The following ZXDC variants were observed in gnomAD, a reference collection of about 807,000 sequenced individuals.
The protein encoded by ZXDC is zinc finger protein ZXDC.
In ZXDC, 58 loss-of-function variants were observed where a neutral mutation model predicts 63.6. The ratio of observed to expected loss-of-function variants is 0.91; its 90% confidence interval spans 0.74 to 1.13. The LOEUF is 1.13. Among genes scored for constraint, ZXDC ranks in the 50% most tolerant of loss-of-function variants. ZXDC has a pLI of 0.00. For missense variants in ZXDC, 1,133 were observed against 1,148.9 expected, an observed-to-expected ratio of 0.99 and a Z score of 0.20; for synonymous variants, 561 against 496.1, an observed-to-expected ratio of 1.13 and a Z score of -1.74.
Position 126,461,728 on chromosome 3 carries a change from G to C in ZXDC, c.1934C>G (p.Thr645Ser), listed in dbSNP as rs539742816. Residue 645 changes from threonine to serine, a missense_variant, in exon 6 of 10, where the codon ACC (threonine) becomes AGC (serine). Thr to Ser is a moderately conservative substitution (Grantham distance 58). Transcript: ENST00000389709. ...CGGGACACTGGCATTTTCTCGGGGGGTGCTCGAAGAGGTCGGTGTGGTGAT... is the reference window on the plus strand; with the variant it reads ...CGGGACACTGGCATTTTCTCGGGGGCTGCTCGAAGAGGTCGGTGTGGTGAT... ...AHITTPTSSS[T>S]PRENASVPEL... 6.2e-7 allele frequency: 1 copy of C among 1,613,902 alleles called. No homozygotes were observed. Among genetic ancestry groups the C allele is most frequent in the Non-Finnish European group, 8.5e-7 (1 of 1,179,952 alleles).
intron 5 of ZXDC, among the ~76,000 whole-genome samples, chr3:126,463,609 A>G (rs899438298): frequency 6.6e-6 from 1 of 152,184 alleles, no homozygotes; most frequent in Admixed American, 6.5e-5. Flanking sequence ...GTAAAATGGG[A>G]GCATAATTAA....
intron 7 of ZXDC, among the ~76,000 whole-genome samples, chr3:126,443,885 T>C (rs1933776226): frequency 6.6e-6 from 1 of 152,238 alleles, no homozygotes; most frequent in Admixed American, 6.5e-5. Flanking sequence ...ATAATTATGA[T>C]ATTAAAAGCA....
chr3:126,475,475 T>C lies in ZXDC; in HGVS notation c.391A>G (p.Ile131Val), dbSNP rs1158112254. 4.9e-6 allele frequency: 6 copies of C among 1,212,696 alleles called. No homozygotes were observed. The highest frequency in any genetic ancestry group is 3.6e-5 in the South Asian group (1 of 27,814). 75.1% of individuals were successfully genotyped at this position (1,212,696 alleles called of 1,614,324 possible). A position where few individuals can be genotyped will look rare whatever the true frequency, so the allele number is the denominator to read the frequency against. Residue 131 changes from isoleucine to valine, a missense_variant, in exon 1 of 10, where the codon ATC becomes GTC. Physicochemically the swap from Ile to Val is conservative, Grantham distance 29. Transcript: ENST00000389709. The stretch of plus-strand genomic sequence containing the variant: ...CGCACCAGCAGGTCCTGGCTGCTGA[T>C]GGTGACGGCGCCCGCCGGGGCTACG... ...PGVAPAGAVT[I>V]SSQDLLVRLD... is the part of the protein sequence containing the mutation.
At chr3:126,458,186 T>G (rs1934384104) in intron 7 of ZXDC, among the ~76,000 whole-genome samples, 1 of 152,150 alleles carries the variant, frequency 6.6e-6, no homozygotes, top group African/African-American at 2.4e-5. Flanking sequence ...TACTGTTAAT[T>G]TTTAAAGAAG....
chr3:126,473,887 A>G (rs1935075117), intron 1 of ZXDC, among the ~76,000 whole-genome samples: 2 of 152,072 alleles, frequency 1.3e-5, no homozygotes, highest in African/African-American at 4.8e-5. Flanking sequence ...TCTGCCACCC[A>G]GCCGACTCCA....
intron 7 of ZXDC, among the ~76,000 whole-genome samples, chr3:126,450,068 A>C (rs1433656512): frequency 1.3e-5 from 2 of 152,158 alleles, no homozygotes; most frequent in East Asian, 3.9e-4. Context: ...GACAGTCATC[A>C]AAACCAAAGC....
intron 7 of ZXDC, among the ~76,000 whole-genome samples, chr3:126,447,169 G>A (rs1933914407): frequency 6.6e-6 from 1 of 152,204 alleles, no homozygotes. Flanking sequence ...TGAACTTAAA[G>A]TAGACAGGTG....
At chr3:126,452,097 C>T (rs539994579) in intron 7 of ZXDC, 159 of 985,406 alleles carry the variant, frequency 1.6e-4, no homozygotes, top group South Asian at 2.8e-4. Flanking sequence ...CTTTTCCACA[C>T]GCAAAGATGA....
Position 126,466,327 on chromosome 3 carries a change from T to A in ZXDC, c.1271-2A>T, listed in dbSNP as rs1203503325. On this transcript the variant is annotated splice_acceptor_variant, in intron 4 of 9. Transcript: ENST00000389709. LOFTEE classifies it high-confidence loss of function. ...GAGCGGAGAACCTCGCGCAACATCC[T>A]GGAACAAAAAGAGTAATGAGAGTGA... The A allele has an allele frequency of 6.2e-7, 1 of 1,613,880 alleles. No homozygotes were observed. Among genetic ancestry groups the A allele is most frequent in the Non-Finnish European group, 8.5e-7 (1 of 1,179,992 alleles).
In ZXDC at chr3:126,452,012, T is replaced by C. The variant is rs1934123596; in HGVS notation, c.2212+7641A>G. The C allele has an allele frequency of 9.1e-6, 9 of 985,304 alleles. No homozygotes were observed. In the South Asian group the frequency reaches 4.2e-4, roughly 46 times the overall value. 61.0% of individuals were successfully genotyped at this position (985,304 alleles called of 1,614,324 possible). A position where few individuals can be genotyped will look rare whatever the true frequency, so the allele number is the denominator to read the frequency against. On this transcript the variant is annotated intron_variant, in intron 7 of 9. Transcript: ENST00000389709. ...CCTTTAACCTCTCATCTTCATTCTTTATTCTGTATGGAATTCTAATATTTT... is the reference window on the plus strand; with the variant it reads ...CCTTTAACCTCTCATCTTCATTCTTCATTCTGTATGGAATTCTAATATTTT...
In ZXDC at chr3:126,475,696, TC is replaced by T; in HGVS notation, c.169del (p.Glu57ArgfsTer67). The T allele has an allele frequency of 2.3e-6, 3 of 1,302,168 alleles. No homozygotes were observed. The highest frequency in any genetic ancestry group is 1.9e-5 in the South Asian group (1 of 51,838). 80.7% of individuals were successfully genotyped at this position (1,302,168 alleles called of 1,614,324 possible). A position where few individuals can be genotyped will look rare whatever the true frequency, so the allele number is the denominator to read the frequency against. On this transcript the variant is annotated frameshift_variant, in exon 1 of 10. Coordinates refer to ENST00000389709, the MANE Select transcript of ZXDC (RefSeq NM_025112.5). LOFTEE classifies it high-confidence loss of function. ...GGGCGGCGGGCTTGGCCCGGAGGCC[TC>T]CCCGGGCCGCGCCCCGGGCCCGCCA... is the stretch of plus-strand genomic sequence containing the variant. ...EDGGPGARPG[E>X]ASGPSPPPAE...
At chr3:126,456,867 C>T (rs1352323989) in intron 7 of ZXDC, among the ~76,000 whole-genome samples, 1 of 152,196 alleles carries the variant, frequency 6.6e-6, no homozygotes, top group Non-Finnish European at 1.5e-5. Flanking sequence ...TAGCAGCTAC[C>T]ACCCTAACCA....
intron 7 of ZXDC, chr3:126,452,261 G>C (rs145214048): frequency 1.0e-6 from 1 of 985,276 alleles, no homozygotes; most frequent in African/African-American, 1.7e-5. Context: ...TTTCTTAGAC[G>C]TTCTTGTCCA....
At chr3:126,446,325 C>T (rs547305333) in intron 7 of ZXDC, among the ~76,000 whole-genome samples, 39 of 152,282 alleles carry the variant, frequency 2.6e-4, no homozygotes, top group Non-Finnish European at 4.3e-4. Context: ...TCAAGGGCCC[C>T]GGCTTGGGAG....
In ZXDC at chr3:126,475,010, G is replaced by A; in HGVS notation, c.856C>T (p.His286Tyr). 6.3e-7 allele frequency: 1 copy of A among 1,596,812 alleles called. No individual in the cohort carries two copies. The highest frequency in any genetic ancestry group is 8.5e-7 in the Non-Finnish European group (1 of 1,172,404). ...TCGGGCTCGAAGTGGCTGCGCTGGTGGGAGCTGAGCTTGGCGTGCGTGGGG... is the reference window on the plus strand; with the variant it reads ...TCGGGCTCGAAGTGGCTGCGCTGGTAGGAGCTGAGCTTGGCGTGCGTGGGG... ...RFPTHAKLSS[H>Y]QRSHFEPERP... Residue 286 changes from histidine (H) to tyrosine (Y), a missense_variant, in exon 1 of 10, where the codon CAC (histidine) becomes TAC (tyrosine). Physicochemically the swap from His to Tyr is moderately conservative, Grantham distance 83. Coordinates refer to ENST00000389709, the MANE Select transcript of ZXDC (RefSeq NM_025112.5).
At chr3:126,452,423 C>T (rs955400477) in intron 7 of ZXDC, 4 of 985,356 alleles carry the variant, frequency 4.1e-6, no homozygotes, top group Non-Finnish European at 4.8e-6. Flanking sequence ...GTGCAGGAGC[C>T]GAGCACTCCT....
At chr3:126,454,642 G>C in intron 7 of ZXDC, 2 of 985,362 alleles carry the variant, frequency 2.0e-6, no homozygotes, top group Non-Finnish European at 2.4e-6. Context: ...CTGTGACACA[G>C]GATACCCTTG....
chr3:126,467,774 C>A (rs1346690194), intron 4 of ZXDC, among the ~76,000 whole-genome samples: 1 of 152,098 alleles, frequency 6.6e-6, no homozygotes. Flanking sequence ...TACCCTGGAA[C>A]CCCCTTTCCC....
At chr3:126,465,944 G>A (rs1289102225) in intron 5 of ZXDC, among the ~76,000 whole-genome samples, 2 of 151,866 alleles carry the variant, frequency 1.3e-5, no homozygotes, top group African/African-American at 4.8e-5. Flanking sequence ...GAGGGACCCT[G>A]TCTCAAAAAA....
Sources: gnomAD v4.1 joint callset for allele counts (sites outside exome capture counted in the v4.1 genomes callset) on GRCh38, gnomAD v4.1.1 for gene constraint, MANE v1.5 for transcripts, NCBI Gene and HGNC (gene_info 2026-07-23, HGNC 2026-07-21) for gene names.